Variants in TBC1D2 observed in about 807,000 individuals in gnomAD.
The protein encoded by TBC1D2 is TBC1 domain family member 2.
In TBC1D2, 58 loss-of-function variants were observed where a neutral mutation model predicts 91.1. The observed-to-expected ratio is 0.64, with a 90% CI of 0.52 to 0.79. The LOEUF (loss-of-function observed/expected upper bound fraction) is 0.79, where lower values mean the gene tolerates loss of function less well. Among genes scored for constraint, TBC1D2 ranks in the 30% least tolerant of loss-of-function variants. The pLI is 0.00. For synonymous variants in TBC1D2, 482 were observed against 511.5 expected (o/e 0.94, Z 0.78); for missense variants, 1,080 against 1,208.3 (o/e 0.89, Z 1.57).
intron 5 of TBC1D2, among the ~76,000 whole-genome samples, chr9:98,226,710 C>T (rs1265169264): frequency 6.6e-6 from 1 of 152,176 alleles, no homozygotes; most frequent in Non-Finnish European, 1.5e-5. Flanking sequence ...TCCTTTTGAC[C>T]CTCTGTCCCA....
At chr9:98,203,499 G>C (rs1309761072) in intron 9 of TBC1D2, 91 bp from the exon 10 acceptor site, 5 of 1,553,306 alleles carry the variant, frequency 3.2e-6, no homozygotes, top group Non-Finnish European at 4.3e-6. Context: ...GTTCCAGGGG[G>C]AAAGTCCTTC....
In TBC1D2 at chr9:98,199,337, C is replaced by T. The variant is rs756996715; in HGVS notation, c.*44G>A. 9 of 1,607,420 alleles carry T rather than the reference C, an allele frequency of 5.6e-6. No homozygotes were observed. In the East Asian group the frequency reaches 1.1e-4, roughly 20 times the overall value. On this transcript the variant is annotated 3_prime_UTR_variant, in exon 13 of 13. Coordinates refer to ENST00000465784, the MANE Select transcript of TBC1D2 (RefSeq NM_001267571.2). The stretch of plus-strand genomic sequence containing the variant: ...CCGTGCCTGACCTCCAGTGGGTCTG[C>T]CAGCCAAGGGTGAGGAAGGCTGTGG...
chr9:98,199,124 G>A lies in TBC1D2; in HGVS notation c.*257C>T, dbSNP rs1828411374. 1.7e-6 allele frequency: 1 copy of A among 589,070 alleles called. No individual in the cohort carries two copies. Among genetic ancestry groups the A allele is most frequent in the Non-Finnish European group, 3.0e-6 (1 of 329,406 alleles). The allele number at this position is 589,070 out of a possible 1,614,324, so 36.5% of individuals were successfully genotyped here. On this transcript the variant is annotated 3_prime_UTR_variant, in exon 13 of 13. Coordinates refer to ENST00000465784, the MANE Select transcript of TBC1D2 (RefSeq NM_001267571.2). Reference sequence around the variant, plus strand: ...AGGCAGTGCTCTTGCTTGTTTACATGCCAAAGTGCTCTGTGGAAGAGGTGA... The same window carrying A: ...AGGCAGTGCTCTTGCTTGTTTACATACCAAAGTGCTCTGTGGAAGAGGTGA...
chr9:98,210,765 C>G lies in TBC1D2; in HGVS notation c.1564G>C (p.Gly522Arg). The G allele has an allele frequency of 6.4e-7, 1 of 1,564,854 alleles. No individual in the cohort carries two copies. Among genetic ancestry groups the G allele is most frequent in the Non-Finnish European group, 8.7e-7 (1 of 1,154,554 alleles). Residue 522 changes from glycine (G) to arginine (R), a missense_variant, in exon 8 of 13, where the codon GGG becomes CGG. Gly to Arg is a moderately radical substitution (Grantham distance 125). Transcript: ENST00000465784. ...TCTGAGCACTCGCTGGCTTCGTCCCCCAGGGCCTCCTGCAGCCTTCTCAGA... is the reference window on the plus strand; with the variant it reads ...TCTGAGCACTCGCTGGCTTCGTCCCGCAGGGCCTCCTGCAGCCTTCTCAGA... ...AGLRRLQEAL[G>R]DEASECSELL...
At chr9:98,238,874 C>T (rs1829571281) in intron 3 of TBC1D2, among the ~76,000 whole-genome samples, 1 of 150,164 alleles carries the variant, frequency 6.7e-6, no homozygotes, top group South Asian at 2.1e-4. Flanking sequence ...AGGCCTGTAC[C>T]ACCATGGCCG....
Position 98,208,673 on chromosome 9 carries a change from C to A in TBC1D2, c.2145G>T (p.Leu715=). The A allele has an allele frequency of 6.6e-7, 1 of 1,524,382 alleles. No homozygotes were observed. Among genetic ancestry groups the A allele is most frequent in the South Asian group, 1.3e-5 (1 of 77,790 alleles). The allele number at this position is 1,524,382 out of a possible 1,614,324, so 94.4% of individuals were successfully genotyped here. A position where few individuals can be genotyped will look rare whatever the true frequency, so the allele number is the denominator to read the frequency against. ...QNPTIGYCQG[L]NRLAAIALLV... ...ACTGGGCTTTGGTGGCTTACCTGTTCAGGCCCTGGCAGTAGCCGATGGTGG... is the reference window on the plus strand; with the variant it reads ...ACTGGGCTTTGGTGGCTTACCTGTTAAGGCCCTGGCAGTAGCCGATGGTGG... Residue 715 remains leucine, a synonymous_variant, in exon 9 of 13, where the codon CTG becomes CTT. Coordinates refer to ENST00000465784, the MANE Select transcript of TBC1D2 (RefSeq NM_001267571.2).
rs374214824 is a variant in TBC1D2, at chr9:98,216,772, A to G, written c.1375-3554T>C. Among the ~76,000 whole-genome samples the G allele has an allele frequency of 1.8e-3, 278 of 152,298 alleles. 1 individual carries two copies. The Middle Eastern group carries it at 0.024, about 13-fold the overall frequency. On this transcript the variant is annotated intron_variant, in intron 6 of 12. Coordinates refer to ENST00000465784, the MANE Select transcript of TBC1D2 (RefSeq NM_001267571.2). ...CAGGCTGGAATGCAATGGCATGATCATAGCTCACTGCACTCTTGACCTCCT... is the reference window on the plus strand; with the variant it reads ...CAGGCTGGAATGCAATGGCATGATCGTAGCTCACTGCACTCTTGACCTCCT...
At chr9:98,244,616 G>T (rs900768400) in intron 2 of TBC1D2, among the ~76,000 whole-genome samples, 2 of 129,208 alleles carry the variant, frequency 1.5e-5, no homozygotes, top group Non-Finnish European at 3.1e-5. Context: ...CCGAGATCGC[G>T]CCATTGCACT....
chr9:98,214,240 G>A (rs56387950), intron 6 of TBC1D2, among the ~76,000 whole-genome samples: 1 of 143,854 alleles, frequency 7.0e-6, no homozygotes, highest in African/African-American at 2.6e-5. Flanking sequence ...AAGCGATGCT[G>A]CAGCAAGGAT....
intron 2 of TBC1D2, among the ~76,000 whole-genome samples, chr9:98,250,102 A>G (rs1829840830): frequency 6.6e-6 from 1 of 152,180 alleles, no homozygotes; most frequent in Non-Finnish European, 1.5e-5. Flanking sequence ...TCCAGCTGAC[A>G]AAGTCTGAGA....
At chr9:98,201,240 T>C (rs1055586721) in intron 11 of TBC1D2, among the ~76,000 whole-genome samples, 2 of 152,082 alleles carry the variant, frequency 1.3e-5, no homozygotes, top group Non-Finnish European at 2.9e-5. Context: ...CATAGGGATG[T>C]GCCTCTCTGA....
intron 3 of TBC1D2, chr9:98,235,366 G>T: frequency 2.2e-6 from 1 of 453,488 alleles, no homozygotes; most frequent in Non-Finnish European, 4.4e-6. Flanking sequence ...ATAAACCACA[G>T]TTACAAGGAA....
chr9:98,230,557 G>C (rs1043902954), intron 4 of TBC1D2, among the ~76,000 whole-genome samples: 1 of 152,188 alleles, frequency 6.6e-6, no homozygotes, highest in Non-Finnish European at 1.5e-5. Context: ...CATGAGACCA[G>C]GCCAAGGGCT....
chr9:98,226,922 G>A (rs187425041), intron 5 of TBC1D2, among the ~76,000 whole-genome samples: 1 of 152,338 alleles, frequency 6.6e-6, no homozygotes, highest in East Asian at 1.9e-4. Context: ...AGAGCAATCA[G>A]GGGCAAACTT....
chr9:98,208,935 C>G lies in TBC1D2; in HGVS notation c.1883G>C (p.Arg628Pro), dbSNP rs200863836. ...LKQLLRAGVPREHRPRVWRWL... is the reference protein window; with the variant it reads ...LKQLLRAGVPPEHRPRVWRWL... ...CCTCCAGACACGAGGCCGGTGTTCA[C>G]GGGGTACTCCTGCCCGCAGTAGCTG... The change falls in exon 9 of 13, where the codon CGT becomes CCT. Residue 628 changes from arginine to proline, a missense_variant. Coordinates refer to ENST00000465784, the MANE Select transcript of TBC1D2 (RefSeq NM_001267571.2). 4 of 1,614,016 alleles carry G rather than the reference C, an allele frequency of 2.5e-6. No homozygotes were observed. Among genetic ancestry groups the G allele is most frequent in the Non-Finnish European group, 3.4e-6 (4 of 1,180,014 alleles).
chr9:98,247,007 G>C (rs79200203), intron 2 of TBC1D2, among the ~76,000 whole-genome samples: 2 of 150,900 alleles, frequency 1.3e-5, no homozygotes, highest in East Asian at 3.9e-4. Flanking sequence ...AGGGTGTTGC[G>C]ACCTGGTTGC....
At chr9:98,215,536 C>G (rs1665207431) in intron 6 of TBC1D2, among the ~76,000 whole-genome samples, 1 of 152,200 alleles carries the variant, frequency 6.6e-6, no homozygotes, top group Non-Finnish European at 1.5e-5. Context: ...GTTTGTTTGT[C>G]TTGCTCTGTC....
intron 3 of TBC1D2, chr9:98,235,262 C>A: frequency 3.1e-6 from 1 of 326,304 alleles, no homozygotes; most frequent in Admixed American, 3.4e-5. Context: ...CATGTAGGAA[C>A]TATATTGCTT....
At chr9:98,243,265 C>T (rs186263180) in intron 3 of TBC1D2, among the ~76,000 whole-genome samples, 1 of 151,932 alleles carries the variant, frequency 6.6e-6, no homozygotes, top group African/African-American at 2.4e-5. Flanking sequence ...CACTACATCA[C>T]ATTCAATATG....
Sources: allele counts gnomAD v4.1 joint callset (sites outside exome capture counted in the v4.1 genomes callset), GRCh38; gene constraint gnomAD v4.1.1; transcripts MANE v1.5; gene names NCBI Gene and HGNC (gene_info 2026-07-23, HGNC 2026-07-21).